Variants in WDR86 observed in about 807,000 individuals in gnomAD.
WDR86 encodes WD repeat domain 86.
WDR86 carries 30 observed loss-of-function variants against 36.5 expected under a neutral mutation model. That is an observed-to-expected ratio of 0.82 (90% confidence interval 0.61 to 1.11). WDR86 has a LOEUF of 1.11. WDR86 is among the 50% of genes most tolerant of loss of function. The probability of loss-of-function intolerance (pLI) is 0.00; values close to 1 mark genes in which losing one functional copy is unlikely to be tolerated. For missense variants in WDR86, 545 were observed against 561.2 expected (o/e 0.97, Z 0.29); for synonymous variants, 255 against 252.9 (o/e 1.01, Z -0.08).
rs1800322593 is a variant in WDR86 at position 151,401,891 on chromosome 7, T to C, written c.164-1650A>G. The stretch of plus-strand genomic sequence containing the variant: ...GGTGAAACCCCGTCTCTACTAAAAA[T>C]ACAAAAAATTAGCCGGGCGTGGTGG... On this transcript the variant is annotated intron_variant, in intron 1 of 5. Coordinates refer to ENST00000334493, the MANE Select transcript of WDR86 (RefSeq NM_198285.3). The surrounding 1 kb of genome is among the most constrained non-coding windows in gnomAD (Gnocchi z 4.3). Among the ~76,000 whole-genome samples, 1 of 149,770 alleles carries C rather than the reference T, an allele frequency of 6.7e-6. No individual in the cohort carries two copies.
intron 3 of WDR86, among the ~76,000 whole-genome samples, chr7:151,392,349 C>T (rs138416751): frequency 1.3e-5 from 2 of 152,218 alleles, no homozygotes; most frequent in Non-Finnish European, 2.9e-5. Context: ...CCACCCACCA[C>T]TGACTCCTCA....
chr7:151,397,505 C>T (rs1799908214), intron 2 of WDR86, among the ~76,000 whole-genome samples: 1 of 152,206 alleles, frequency 6.6e-6, no homozygotes, highest in Non-Finnish European at 1.5e-5. Flanking sequence ...CTCACTGCAA[C>T]CTCTGCCTCC....
chr7:151,389,931 C>T (rs1252533802), intron 3 of WDR86, among the ~76,000 whole-genome samples: 1 of 152,212 alleles, frequency 6.6e-6, no homozygotes, highest in Non-Finnish European at 1.5e-5. Flanking sequence ...AGAAGCCACA[C>T]AGTCCTGTGT....
Position 151,381,126 on chromosome 7 carries a change from T to C in WDR86, c.*456A>G, listed in dbSNP as rs926359168. On this transcript the variant is annotated 3_prime_UTR_variant, in exon 6 of 6. Transcript: ENST00000334493. This position sits in a 1 kb window ranked among gnomAD's most constrained non-coding sequence, Gnocchi z 4.8. ...ACAAAAAGAGGACACAGGAGCACTT[T>C]TAACGTTCAGGCTGTATATTTCAGT... is the stretch of plus-strand genomic sequence containing the variant. 2.4e-6 allele frequency: 3 copies of C among 1,226,834 alleles called. No homozygotes were observed. Among genetic ancestry groups the C allele is most frequent in the Non-Finnish European group, 2.0e-6 (2 of 984,294 alleles). 76.0% of individuals were successfully genotyped at this position (1,226,834 alleles called of 1,614,324 possible).
intron 3 of WDR86, among the ~76,000 whole-genome samples, chr7:151,387,497 G>A (rs564299915): frequency 4.6e-5 from 7 of 152,266 alleles, no homozygotes; most frequent in South Asian, 4.1e-4. Flanking sequence ...CAGGGAGAGC[G>A]GGGTGGCCCA....
At chr7:151,372,035 A>AT (rs1367277587), downstream of WDR86, among the ~76,000 whole-genome samples, 1 of 152,158 alleles carries the variant, frequency 6.6e-6, no homozygotes, top group African/African-American at 2.4e-5. Flanking sequence ...AAAAGTTTAT[A>AT]TTTTTTGTGC....
intron 3 of WDR86, among the ~76,000 whole-genome samples, chr7:151,387,902 C>T (rs541503007): frequency 6.6e-6 from 1 of 152,374 alleles, no homozygotes; most frequent in East Asian, 1.9e-4. Flanking sequence ...AGTTACTCAT[C>T]TTCTCCAAGC....
chr7:151,382,873 G>T (rs189736725), intron 4 of WDR86, among the ~76,000 whole-genome samples: 54 of 152,212 alleles, frequency 3.5e-4, no homozygotes, highest in Non-Finnish European at 6.8e-4. Flanking sequence ...CAGCTATGGT[G>T]CAAGCCTGCC....
chr7:151,391,504 C>G (rs1386601988), intron 3 of WDR86, among the ~76,000 whole-genome samples: 1 of 152,188 alleles, frequency 6.6e-6, no homozygotes, highest in Admixed American at 6.5e-5. Context: ...CATGGCCCCC[C>G]ACACGCAGCT....
chr7:151,409,309 C>T lies in WDR86; in HGVS notation c.163+118G>A. 2 of 1,449,900 alleles carry T rather than the reference C, an allele frequency of 1.4e-6. No homozygotes were observed. Among genetic ancestry groups the T allele is most frequent in the Middle Eastern group, 1.8e-4 (1 of 5,612 alleles). The allele number at this position is 1,449,900 out of a possible 1,614,324, so 89.8% of individuals were successfully genotyped here. A position where few individuals can be genotyped will look rare whatever the true frequency, so the allele number is the denominator to read the frequency against. Reference sequence around the variant, plus strand: ...AGACAAGCGCTCTTCCGCTAGTGTGCCGGGATGAGCGGGGGCTGGACTTCT... The same window carrying T: ...AGACAAGCGCTCTTCCGCTAGTGTGTCGGGATGAGCGGGGGCTGGACTTCT... On this transcript the variant is annotated intron_variant, in intron 1 of 5. Transcript: ENST00000334493. The surrounding 1 kb of genome is among the most constrained non-coding windows in gnomAD (Gnocchi z 5.2).
chr7:151,384,177 C>T (rs1185964940), intron 4 of WDR86, among the ~76,000 whole-genome samples: 1 of 152,250 alleles, frequency 6.6e-6, no homozygotes, highest in Non-Finnish European at 1.5e-5. Flanking sequence ...AGTCTCCTCC[C>T]TCCCAGAGGC....
rs1163437237 is a variant in WDR86 at position 151,390,325 on chromosome 7, G to A, written c.727-5102C>T. Among the ~76,000 whole-genome samples, 1 of 152,136 alleles carries A rather than the reference G, an allele frequency of 6.6e-6. No homozygotes were observed. ...TCAGGACCCCATCTGGCCACGCCAGGGGCAGCCATCGTGTGTCCCCACTTG... is the reference window on the plus strand; with the variant it reads ...TCAGGACCCCATCTGGCCACGCCAGAGGCAGCCATCGTGTGTCCCCACTTG... On this transcript the variant is annotated intron_variant, in intron 3 of 5. Coordinates refer to ENST00000334493, the MANE Select transcript of WDR86 (RefSeq NM_198285.3). The surrounding 1 kb of genome is among the most constrained non-coding windows in gnomAD (Gnocchi z 4.5).
chr7:151,398,228 G>A (rs905215053), intron 2 of WDR86, among the ~76,000 whole-genome samples: 30 of 152,026 alleles, frequency 2.0e-4, no homozygotes, highest in Admixed American at 5.2e-4. Flanking sequence ...GTGTGTCTAT[G>A]TGTGTGCATG....
intron 2 of WDR86, 45 bp downstream of exon 2, chr7:151,400,055 G>A (rs1192004852): frequency 6.8e-7 from 1 of 1,478,380 alleles, no homozygotes; most frequent in Non-Finnish European, 9.0e-7. Flanking sequence ...CCCACCAGAA[G>A]CCTATGTATG....
downstream of WDR86, chr7:151,378,319 C>A (rs185715358): frequency 6.6e-6 from 1 of 152,172 alleles, no homozygotes; most frequent in South Asian, 2.1e-4. Context: ...ATGGATCATG[C>A]GGAGCCGGCT....
intron 2 of WDR86, among the ~76,000 whole-genome samples, chr7:151,398,086 TGTG>T (rs1799999063): frequency 6.6e-6 from 1 of 152,166 alleles, no homozygotes; most frequent in African/African-American, 2.4e-5. Context: ...AAATAGTGTG[TGTG>T]TTTGTATATG....
At chr7:151,371,983 C>T (rs978896370), downstream of WDR86, among the ~76,000 whole-genome samples, 47 of 152,224 alleles carry the variant, frequency 3.1e-4, no homozygotes, top group African/African-American at 1.1e-3. Flanking sequence ...GCTGGGATTA[C>T]AGGTGTGAGC....
chr7:151,400,147 G>T lies in WDR86; in HGVS notation c.258C>A (p.Thr86=), dbSNP rs748939517. ...DCTIRRWDVL[T]GQCLQVYRGH... is the part of the protein sequence containing the mutation. The stretch of plus-strand genomic sequence containing the variant: ...CTCGGTACACCTGCAGACACTGCCC[G>T]GTCAGCACGTCCCACCTCCTGATGG... Residue 86 remains threonine (T), a synonymous_variant, in exon 2 of 6, where the codon ACC becomes ACA. Transcript: ENST00000334493. The T allele has an allele frequency of 2.5e-6, 4 of 1,611,818 alleles. No homozygotes were observed. In the African/African-American group the frequency reaches 5.3e-5, roughly 22 times the overall value.
At chr7:151,398,706 T>C (rs1343512114) in intron 2 of WDR86, among the ~76,000 whole-genome samples, 1 of 152,188 alleles carries the variant, frequency 6.6e-6, no homozygotes, top group Non-Finnish European at 1.5e-5. Context: ...ATGTTGTGTG[T>C]GTGCGCACAT....
Sources: gnomAD v4.1 joint callset for allele counts (sites outside exome capture counted in the v4.1 genomes callset) on GRCh38, gnomAD v4.1.1 for gene constraint, Gnocchi (gnomAD v3.1) non-coding constraint, MANE v1.5 for transcripts, NCBI Gene and HGNC (gene_info 2026-07-23, HGNC 2026-07-21) for gene names.